Variants in UGT3A2 observed in about 807,000 individuals in gnomAD.
The protein encoded by UGT3A2 is UDP glycosyltransferase family 3 member A2, also known as UDP-glycosyltransferase 3A2.
Under a neutral mutation model 39.8 loss-of-function variants are expected in UGT3A2, and 32 were observed. The observed-to-expected ratio is 0.80, with a 90% CI of 0.61 to 1.08. UGT3A2 has a LOEUF of 1.08. Ranked by LOEUF, UGT3A2 falls within the 50% of genes least tolerant of loss-of-function variation. The pLI, the probability that UGT3A2 is intolerant of heterozygous loss-of-function variation, is 0.00. For missense variants in UGT3A2, 611 were observed against 637.1 expected (o/e 0.96, Z 0.44); for synonymous variants, 241 against 230.7 (o/e 1.04, Z -0.40).
intron 4 of UGT3A2, among the ~76,000 whole-genome samples, chr5:36,043,240 T>C (rs115419566): frequency 1.3e-5 from 2 of 151,960 alleles, no homozygotes; most frequent in African/African-American, 4.8e-5. Context: ...CTCTGGATAT[T>C]ATACAAATGC....
intron 4 of UGT3A2, among the ~76,000 whole-genome samples, chr5:36,045,262 A>C (rs1593074): frequency 0.19 from 28,146 of 152,106 alleles, 3,051 homozygotes; most frequent in East Asian, 0.42. Flanking sequence ...CTAAAAAAAA[A>C]CTAGATATGC....
chr5:36,056,338 A>C (rs1742511112), intron 2 of UGT3A2, among the ~76,000 whole-genome samples: 1 of 152,206 alleles, frequency 6.6e-6, no homozygotes, highest in South Asian at 2.1e-4. Flanking sequence ...CAGGGTATAA[A>C]ACCCAAGGTG....
At chr5:36,046,380 A>T (rs1013708740) in intron 4 of UGT3A2, among the ~76,000 whole-genome samples, 8 of 152,216 alleles carry the variant, frequency 5.3e-5, no homozygotes, top group African/African-American at 1.9e-4. Flanking sequence ...CATCAGATGA[A>T]TGGATAAGGA....
At chr5:36,061,456 G>T in intron 2 of UGT3A2, among the ~76,000 whole-genome samples, 1 of 140,308 alleles carries the variant, frequency 7.1e-6, no homozygotes. Flanking sequence ...TGATCTCATT[G>T]TTCAATTCCC....
chr5:36,044,032 C>T lies in UGT3A2; in HGVS notation c.844-4324G>A, dbSNP rs146146905. Among the ~76,000 whole-genome samples the T allele has an allele frequency of 1.6e-4, 24 of 151,938 alleles. No homozygotes were observed. In the East Asian group the frequency reaches 3.3e-3, roughly 21 times the overall value. ...ATACCAAAACCAGACAAATACACAT[C>T]GGAAAAAGGAAACTACAGGCTAATA... On this transcript the variant is annotated intron_variant, in intron 4 of 6. Transcript: ENST00000282507.
chr5:36,065,678 TGTG>T (rs958001966), intron 1 of UGT3A2, among the ~76,000 whole-genome samples: 3 of 152,130 alleles, frequency 2.0e-5, no homozygotes, highest in Non-Finnish European at 2.9e-5. Context: ...GAGTGGAAGT[TGTG>T]GTGAGCATGG....
In UGT3A2 at chr5:36,066,858, T is replaced by C. The variant is rs542751079; in HGVS notation, c.-69A>G. ...CCCTGCGCCCGGCTAAGGGACCCTG[T>C]GCACCTCAGTGCGCCAAAGGCACTG... On this transcript the variant is annotated 5_prime_UTR_variant, in exon 1 of 7. Transcript: ENST00000282507. The C allele has an allele frequency of 1.8e-5, 29 of 1,573,992 alleles. 1 individual carries two copies. In the East Asian group the frequency reaches 6.1e-4, roughly 33 times the overall value.
intron 4 of UGT3A2, among the ~76,000 whole-genome samples, chr5:36,041,772 C>A (rs976232374): frequency 6.6e-6 from 1 of 152,084 alleles, no homozygotes; most frequent in African/African-American, 2.4e-5. Context: ...AAAGCTTTCT[C>A]AAGAAGGACA....
chr5:36,041,622 C>T (rs902200732), intron 4 of UGT3A2, among the ~76,000 whole-genome samples: 3 of 152,154 alleles, frequency 2.0e-5, no homozygotes, highest in Non-Finnish European at 4.4e-5. Flanking sequence ...TCTCCTGGCT[C>T]TTACCTAAGA....
At chr5:36,061,042 C>T (rs117166071) in intron 2 of UGT3A2, among the ~76,000 whole-genome samples, 238 of 152,222 alleles carry the variant, frequency 1.6e-3, no homozygotes, top group East Asian at 0.011. Flanking sequence ...CCTAATAGCA[C>T]GCACCTGTAG....
Position 36,064,322 on chromosome 5 carries a change from C to T in UGT3A2, c.123G>A (p.Arg41=), listed in dbSNP as rs931726655. The change falls in exon 2 of 7, where the codon CGG becomes CGA. Residue 41 remains arginine (R), a synonymous_variant. Coordinates refer to ENST00000282507, the MANE Select transcript of UGT3A2 (RefSeq NM_174914.4). ...CGTGATCTTGAAGAATCTGAGAAACCCGGTCCATCAGTAGATAATGGCTTC... is the reference window on the plus strand; with the variant it reads ...CGTGATCTTGAAGAATCTGAGAAACTCGGTCCATCAGTAGATAATGGCTTC... ...VGGSHYLLMD[R]VSQILQDHGH... The T allele has an allele frequency of 1.2e-6, 2 of 1,614,058 alleles. No homozygotes were observed. Among genetic ancestry groups the T allele is most frequent in the African/African-American group, 1.3e-5 (1 of 74,988 alleles).
At chr5:36,047,799 C>G (rs1282574305) in intron 4 of UGT3A2, among the ~76,000 whole-genome samples, 1 of 152,172 alleles carries the variant, frequency 6.6e-6, no homozygotes, top group Non-Finnish European at 1.5e-5. Flanking sequence ...ATCCCCACAG[C>G]TTTACTCATG....
At position 36,049,437 on chromosome 5, in the gene UGT3A2, A is replaced by C. The variant is rs1167071355; in HGVS notation, c.312-17T>G. ...AATTTTCCTCTGTAAGAAAAAAATGATAATAAATATTCATGGGAAGTGTTA... is the reference window on the plus strand; with the variant it reads ...AATTTTCCTCTGTAAGAAAAAAATGCTAATAAATATTCATGGGAAGTGTTA... On this transcript the variant is annotated splice_polypyrimidine_tract_variant and intron_variant, in intron 3 of 6. Transcript: ENST00000282507. 3 of 1,510,562 alleles carry C rather than the reference A, an allele frequency of 2.0e-6. No individual in the cohort carries two copies. The African/African-American group carries it at 4.2e-5, about 21-fold the overall frequency. 93.6% of individuals were successfully genotyped at this position (1,510,562 alleles called of 1,614,324 possible).
At chr5:36,058,477 G>T (rs1322139181) in intron 2 of UGT3A2, among the ~76,000 whole-genome samples, 1 of 152,160 alleles carries the variant, frequency 6.6e-6, no homozygotes, top group African/African-American at 2.4e-5. Flanking sequence ...AATGCAGAAT[G>T]TTAGCAAACT....
chr5:36,058,734 C>G (rs1232389541), intron 2 of UGT3A2, among the ~76,000 whole-genome samples: 1 of 151,898 alleles, frequency 6.6e-6, no homozygotes, highest in African/African-American at 2.4e-5. Flanking sequence ...TCCCCTGGCC[C>G]CCTTCTTTAT....
intron 2 of UGT3A2, among the ~76,000 whole-genome samples, chr5:36,058,681 G>A (rs1169585805): frequency 6.6e-6 from 1 of 152,188 alleles, no homozygotes; most frequent in Admixed American, 6.5e-5. Flanking sequence ...TGGAAGCTCA[G>A]CAGCTGCCTT....
At chr5:36,053,566 A>AC (rs1325599529) in intron 2 of UGT3A2, among the ~76,000 whole-genome samples, 1 of 152,170 alleles carries the variant, frequency 6.6e-6, no homozygotes, top group Non-Finnish European at 1.5e-5. Flanking sequence ...TGCACTGTAA[A>AC]GGCTTTAGCA....
At chr5:36,045,922 T>C (rs931649395) in intron 4 of UGT3A2, among the ~76,000 whole-genome samples, 1 of 151,702 alleles carries the variant, frequency 6.6e-6, no homozygotes, top group African/African-American at 2.4e-5. Context: ...CTCAAACAAC[T>C]CTACGAGAAA....
At position 36,039,629 on chromosome 5, in the gene UGT3A2, T is replaced by C; in HGVS notation, c.923A>G (p.Gln308Arg). Reference sequence around the variant, plus strand: ...CATCTCCTTGAAGATTTCCGGATTCTGACAGGTGTTCACCATGGAGCCCAA... The same window carrying C: ...CATCTCCTTGAAGATTTCCGGATTCCGACAGGTGTTCACCATGGAGCCCAA... ...VTLGSMVNTCQNPEIFKEMNN... is the reference protein window; with the variant it reads ...VTLGSMVNTCRNPEIFKEMNN... Residue 308 changes from glutamine (Q) to arginine (R), a missense_variant, in exon 5 of 7, where the codon CAG (glutamine) becomes CGG (arginine). Transcript: ENST00000282507. 1 of 1,614,232 alleles carries C rather than the reference T, an allele frequency of 6.2e-7. No homozygotes were observed. The highest frequency in any genetic ancestry group is 8.5e-7 in the Non-Finnish European group (1 of 1,180,058).
Sources: gnomAD v4.1 joint callset for allele counts (sites outside exome capture counted in the v4.1 genomes callset) on GRCh38, gnomAD v4.1.1 for gene constraint, MANE v1.5 for transcripts, NCBI Gene and HGNC (gene_info 2026-07-23, HGNC 2026-07-21) for gene names.